SYCE1L: variants seen among roughly 807,000 people sequenced by gnomAD.
SYCE1L encodes the protein synaptonemal complex central element protein 1-like.
A neutral mutation model predicts 39.6 loss-of-function variants in SYCE1L; 51 were observed. The ratio of observed to expected loss-of-function variants is 1.29; its 90% CI spans 1.03 to 1.63. The LOEUF is 1.63. Ranked by LOEUF, SYCE1L falls within the 40% of genes most tolerant of loss-of-function variation. The pLI, the probability that SYCE1L is intolerant of heterozygous loss-of-function variation, is 0.00. For missense variants in SYCE1L, 426 were observed against 304.9 expected (o/e 1.40, Z -2.96); for synonymous variants, 147 against 122.4 (o/e 1.20, Z -1.33).
chr16:77,210,826 C>T (rs552485512), intron 6 of SYCE1L, among the ~76,000 whole-genome samples: 1 of 152,286 alleles, frequency 6.6e-6, no homozygotes, highest in African/African-American at 2.4e-5. Context: ...CATCCCAACT[C>T]CCACTCCTGC....
intron 9 of SYCE1L, 76 bp downstream of exon 9, chr16:77,212,445 GC>G: frequency 1.3e-6 from 2 of 1,534,930 alleles, no homozygotes; most frequent in Non-Finnish European, 1.8e-6. Context: ...CCCCCGCTCC[GC>G]CCCCGACTGC....
chr16:77,204,779 T>C (rs1268999849), intron 1 of SYCE1L, among the ~76,000 whole-genome samples: 1 of 152,062 alleles, frequency 6.6e-6, no homozygotes, highest in Non-Finnish European at 1.5e-5. Flanking sequence ...CTGCGGTGGC[T>C]CACACCTGTA....
At chr16:77,208,763 A>G (rs1386225141) in intron 4 of SYCE1L, among the ~76,000 whole-genome samples, 1 of 152,156 alleles carries the variant, frequency 6.6e-6, no homozygotes, top group Admixed American at 6.5e-5. Flanking sequence ...TCTCTTGGTC[A>G]TTCTCACGCC....
chr16:77,206,209 T>A (rs2054784681), intron 1 of SYCE1L, among the ~76,000 whole-genome samples: 1 of 152,144 alleles, frequency 6.6e-6, no homozygotes, highest in South Asian at 2.1e-4. Context: ...GTGGTGGTGT[T>A]TTTTAACCCC....
At chr16:77,201,235 C>T (rs1392338649) in intron 1 of SYCE1L, 1 of 152,144 alleles carries the variant, frequency 6.6e-6, no homozygotes, top group Non-Finnish European at 1.5e-5. Flanking sequence ...TAAGTGCCAG[C>T]ATTCAACAAA....
chr16:77,212,309 A>C lies in SYCE1L; in HGVS notation c.521A>C (p.Glu174Ala). Residue 174 changes from glutamate to alanine, a missense_variant, in exon 9 of 11, where the codon GAG (glutamate) becomes GCG (alanine). Glu to Ala is a moderately radical substitution (Grantham distance 107). Transcript: ENST00000378644. Reference sequence around the variant, plus strand: ...AGGCTGGTGCGCGCCAAGCTGCGGGAGGTGGAGCGGCGGCTGCACTCGCCG... The same window carrying C: ...AGGCTGGTGCGCGCCAAGCTGCGGGCGGTGGAGCGGCGGCTGCACTCGCCG... Reference protein sequence around the residue: ...ERRLVRAKLREVERRLHSPPE... With the variant: ...ERRLVRAKLRAVERRLHSPPE... The C allele has an allele frequency of 6.6e-7, 1 of 1,525,516 alleles. No individual in the cohort carries two copies. The highest frequency in any genetic ancestry group is 8.8e-7 in the Non-Finnish European group (1 of 1,137,758). The allele number at this position is 1,525,516 out of a possible 1,614,324, so 94.5% of individuals were successfully genotyped here. A position where few individuals can be genotyped will look rare whatever the true frequency, so the allele number is the denominator to read the frequency against.
intron 6 of SYCE1L, among the ~76,000 whole-genome samples, chr16:77,210,171 C>G (rs1285091857): frequency 1.3e-5 from 2 of 152,198 alleles, no homozygotes; most frequent in Admixed American, 1.3e-4. Context: ...TCCCGAGTAG[C>G]TGAGATTACA....
intron 5 of SYCE1L, 43 bp from the exon 6 acceptor site, chr16:77,209,374 C>G (rs1193953206): frequency 1.3e-6 from 2 of 1,549,536 alleles, no homozygotes; most frequent in East Asian, 2.4e-5. Flanking sequence ...AACCCTGACT[C>G]CCCAAGAGCT....
intron 1 of SYCE1L, among the ~76,000 whole-genome samples, chr16:77,203,571 A>G (rs570715583): frequency 1.3e-5 from 2 of 150,842 alleles, no homozygotes; most frequent in African/African-American, 2.4e-5. Context: ...GTAATCCCCT[A>G]AGGTATCTTC....
intron 6 of SYCE1L, among the ~76,000 whole-genome samples, chr16:77,210,354 A>G (rs950887287): frequency 2.0e-5 from 3 of 152,102 alleles, no homozygotes; most frequent in Non-Finnish European, 4.4e-5. Flanking sequence ...CTGAACTTTT[A>G]CCTAGCACAC....
Position 77,208,063 on chromosome 16 carries a change from C to A in SYCE1L, c.122-147C>A, listed in dbSNP as rs1165018864. On this transcript the variant is annotated intron_variant, in intron 2 of 10. Transcript: ENST00000378644. ...TTGCCAACCCAGAATGCAAGCCCTT[C>A]AAGGGGCTCTGGCAGAGCTCAACAC... 6.5e-6 allele frequency: 5 copies of A among 765,574 alleles called. No homozygotes were observed. In the East Asian group the frequency reaches 1.1e-4, roughly 17 times the overall value. 47.4% of individuals were successfully genotyped at this position (765,574 alleles called of 1,614,324 possible).
intron 1 of SYCE1L, among the ~76,000 whole-genome samples, chr16:77,206,029 A>G (rs1319717608): frequency 6.6e-6 from 1 of 152,232 alleles, no homozygotes; most frequent in Non-Finnish European, 1.5e-5. Context: ...ACCTAGATCT[A>G]TCAGTTCATT....
intron 7 of SYCE1L, 28 bp from the exon 8 acceptor site, chr16:77,212,102 C>T: frequency 1.3e-6 from 2 of 1,540,176 alleles, no homozygotes; most frequent in African/African-American, 1.4e-5. Context: ...GACGGCCAAA[C>T]GGGGAGGCCT....
intron 7 of SYCE1L, 101 bp from the exon 8 acceptor site, chr16:77,212,029 C>G (rs1184237454): frequency 2.3e-6 from 3 of 1,280,056 alleles, no homozygotes; most frequent in Non-Finnish European, 3.2e-6. Flanking sequence ...AATGAATGAC[C>G]TAATGTAGGT....
intron 1 of SYCE1L, chr16:77,202,487 T>C (rs2054753160): frequency 1.3e-5 from 2 of 152,208 alleles, no homozygotes; most frequent in Non-Finnish European, 2.9e-5. Flanking sequence ...GATTTATTTA[T>C]TACCCACTCT....
intron 1 of SYCE1L, among the ~76,000 whole-genome samples, chr16:77,204,290 AT>A (rs2054769468): frequency 6.6e-6 from 1 of 152,190 alleles, no homozygotes; most frequent in Admixed American, 6.5e-5. Context: ...ACTAGGTTAA[AT>A]TGTGTCCCTC....
intron 6 of SYCE1L, among the ~76,000 whole-genome samples, chr16:77,210,502 T>A (rs1278304697): frequency 6.6e-6 from 1 of 152,162 alleles, no homozygotes; most frequent in Non-Finnish European, 1.5e-5. Context: ...ATGTACCTAA[T>A]CCTCACAATG....
chr16:77,207,359 C>T (rs1314571661), intron 2 of SYCE1L, among the ~76,000 whole-genome samples: 2 of 152,252 alleles, frequency 1.3e-5, no homozygotes, highest in African/African-American at 4.8e-5. Flanking sequence ...TGTTGGCAAC[C>T]TTGAAGCCAG....
At chr16:77,206,720 C>T (rs1207444937) in intron 2 of SYCE1L, among the ~76,000 whole-genome samples, 1 of 151,960 alleles carries the variant, frequency 6.6e-6, no homozygotes, top group Non-Finnish European at 1.5e-5. Flanking sequence ...ATCCCTACTC[C>T]CTCCCCCCAC....
Sources: gnomAD v4.1 joint callset for allele counts (sites outside exome capture counted in the v4.1 genomes callset) on GRCh38, gnomAD v4.1.1 for gene constraint, MANE v1.5 for transcripts, NCBI Gene and HGNC (gene_info 2026-07-23, HGNC 2026-07-21) for gene names.